The following SLC35F4 variants were observed in gnomAD, a reference collection of about 807,000 sequenced individuals.
The protein encoded by SLC35F4 is chromosome 14 open reading frame 36.
A neutral mutation model predicts 44.2 loss-of-function variants in SLC35F4; 24 were observed. The observed-to-expected ratio is 0.54, with a 90% CI of 0.39 to 0.76. SLC35F4 has a LOEUF of 0.76. SLC35F4 is among the 30% of genes least tolerant of loss of function. The pLI is 0.00. For missense variants in SLC35F4, 562 were observed against 586.1 expected, an observed-to-expected ratio of 0.96 and a Z score of 0.42; for synonymous variants, 238 against 223.6, an observed-to-expected ratio of 1.06 and a Z score of -0.57.
At chr14:57,704,970 G>C (rs2075633385) in intron 1 of SLC35F4, among the ~76,000 whole-genome samples, 2 of 152,138 alleles carry the variant, frequency 1.3e-5, no homozygotes, top group Non-Finnish European at 2.9e-5. Context: ...GGACAGCAGA[G>C]GCTGCTTACT....
At chr14:57,743,189 C>T (rs1001746832) in intron 1 of SLC35F4, among the ~76,000 whole-genome samples, 4 of 151,940 alleles carry the variant, frequency 2.6e-5, no homozygotes, top group Non-Finnish European at 5.9e-5. Flanking sequence ...AAACACATTC[C>T]AAAGCTAGCA....
At chr14:57,880,158 T>C (rs1053508210) in intron 1 of SLC35F4, among the ~76,000 whole-genome samples, 2 of 152,090 alleles carry the variant, frequency 1.3e-5, no homozygotes, top group African/African-American at 2.4e-5. Context: ...TTCTACAGTT[T>C]CCTCATTTTT....
intron 1 of SLC35F4, among the ~76,000 whole-genome samples, chr14:57,834,459 T>C (rs961073761): frequency 1.2e-4 from 18 of 152,356 alleles, no homozygotes; most frequent in Admixed American, 9.8e-4. Context: ...GTGGTAATCA[T>C]GCATTCCTTA....
chr14:57,965,719 A>T (rs1399126933), intron 1 of SLC35F4, among the ~76,000 whole-genome samples: 1 of 152,244 alleles, frequency 6.6e-6, no homozygotes, highest in East Asian at 1.9e-4. Context: ...AAAAGGCTGG[A>T]GGTCCTAATG....
intron 1 of SLC35F4, among the ~76,000 whole-genome samples, chr14:57,903,351 C>G (rs910719532): frequency 2.0e-5 from 3 of 152,136 alleles, no homozygotes; most frequent in African/African-American, 7.2e-5. Context: ...CCAGACCTCA[C>G]CTGGGGAATA....
At chr14:57,802,234 G>A (rs1351634611) in intron 1 of SLC35F4, among the ~76,000 whole-genome samples, 1 of 151,774 alleles carries the variant, frequency 6.6e-6, no homozygotes, top group Non-Finnish European at 1.5e-5. Flanking sequence ...ATGATTCTTG[G>A]GTAAATAATA....
At chr14:57,900,277 G>T (rs1888972310) in intron 1 of SLC35F4, among the ~76,000 whole-genome samples, 1 of 152,336 alleles carries the variant, frequency 6.6e-6, no homozygotes, top group Middle Eastern at 3.4e-3. Flanking sequence ...GGCAGGAAAA[G>T]AAGGACATTG....
rs1883869592 is a variant in SLC35F4 at position 57,767,703 on chromosome 14, A to T, written c.103+98020T>A. ...AATAAATAAAATTGAAAATAGGTAA[A>T]TAATAAGAATCAATTGAAACAATCT... On this transcript the variant is annotated intron_variant, in intron 1 of 7. Coordinates refer to ENST00000556826, the MANE Select transcript of SLC35F4 (RefSeq NM_001306087.2). Among the ~76,000 whole-genome samples, 4 of 152,268 alleles carry T rather than the reference A, an allele frequency of 2.6e-5. No individual in the cohort carries two copies. The South Asian group carries it at 8.3e-4, about 32-fold the overall frequency.
intron 1 of SLC35F4, among the ~76,000 whole-genome samples, chr14:57,802,787 C>T (rs1595100406): frequency 6.6e-6 from 1 of 151,914 alleles, no homozygotes; most frequent in Non-Finnish European, 1.5e-5. Context: ...TTCCAGAATA[C>T]ACCAATAACA....
At chr14:57,638,722 G>A (rs1462523146) in intron 1 of SLC35F4, among the ~76,000 whole-genome samples, 4 of 152,052 alleles carry the variant, frequency 2.6e-5, no homozygotes, top group African/African-American at 9.7e-5. Context: ...TACAGGAAAG[G>A]CAGGTGGGTG....
At chr14:57,852,433 T>C (rs1042714551) in intron 1 of SLC35F4, among the ~76,000 whole-genome samples, 6 of 152,322 alleles carry the variant, frequency 3.9e-5, no homozygotes, top group Non-Finnish European at 5.9e-5. Context: ...CAGAGTTTTA[T>C]AGTTTTCCAA....
intron 1 of SLC35F4, among the ~76,000 whole-genome samples, chr14:57,889,526 C>T (rs928016864): frequency 2.6e-5 from 4 of 152,208 alleles, no homozygotes; most frequent in Non-Finnish European, 5.9e-5. Context: ...CAGCTCATTG[C>T]CAGGCAGGCT....
At chr14:57,576,131 C>T (rs1294506701) in intron 4 of SLC35F4, among the ~76,000 whole-genome samples, 2 of 152,114 alleles carry the variant, frequency 1.3e-5, no homozygotes, top group Non-Finnish European at 2.9e-5. Flanking sequence ...TTTCACAATT[C>T]TTATTTGCAT....
intron 1 of SLC35F4, among the ~76,000 whole-genome samples, chr14:57,890,091 A>G (rs982403173): frequency 1.3e-5 from 2 of 152,168 alleles, no homozygotes; most frequent in Non-Finnish European, 2.9e-5. Flanking sequence ...ACTCGCTTTG[A>G]CAAAAAGAAC....
At chr14:57,572,943 T>C (rs1443398146) in intron 4 of SLC35F4, among the ~76,000 whole-genome samples, 2 of 151,248 alleles carry the variant, frequency 1.3e-5, no homozygotes, top group Non-Finnish European at 3.0e-5. Flanking sequence ...TTTCACTGAC[T>C]TTAAAATCCA....
intron 3 of SLC35F4, among the ~76,000 whole-genome samples, chr14:57,586,892 G>T (rs1594954555): frequency 6.6e-6 from 1 of 151,446 alleles, no homozygotes; most frequent in East Asian, 1.9e-4. Context: ...AAAAAATTTT[G>T]CAATCTACCC....
At chr14:57,574,263 T>C (rs1232501942) in intron 4 of SLC35F4, among the ~76,000 whole-genome samples, 1 of 152,218 alleles carries the variant, frequency 6.6e-6, no homozygotes, top group Non-Finnish European at 1.5e-5. Flanking sequence ...CATAACTCTG[T>C]AGCAATTCAA....
intron 1 of SLC35F4, among the ~76,000 whole-genome samples, chr14:57,685,950 T>C (rs2075054401): frequency 6.6e-6 from 1 of 152,162 alleles, no homozygotes; most frequent in African/African-American, 2.4e-5. Context: ...AAACCAATAG[T>C]AAATAAGTTA....
At chr14:57,685,960 A>G (rs1391362869) in intron 1 of SLC35F4, among the ~76,000 whole-genome samples, 1 of 152,204 alleles carries the variant, frequency 6.6e-6, no homozygotes, top group Non-Finnish European at 1.5e-5. Flanking sequence ...TAAATAAGTT[A>G]TGAGAGTAGG....
Sources: gnomAD v4.1 joint callset for allele counts (sites outside exome capture counted in the v4.1 genomes callset) on GRCh38, gnomAD v4.1.1 for gene constraint, MANE v1.5 for transcripts, NCBI Gene and HGNC (gene_info 2026-07-23, HGNC 2026-07-21) for gene names.